Variants in KCTD3 observed in about 807,000 individuals in gnomAD.
The protein encoded by KCTD3 is BTB/POZ domain-containing protein KCTD3.
KCTD3 carries 41 observed loss-of-function variants against 85.8 expected under a neutral mutation model. The observed-to-expected ratio is 0.48, with a 90% CI of 0.37 to 0.62. The LOEUF (loss-of-function observed/expected upper bound fraction) is 0.62, where lower values mean the gene tolerates loss of function less well. KCTD3 is among the 20% of genes least tolerant of loss of function. The pLI is 0.00. For synonymous variants in KCTD3, 338 were observed against 345.4 expected (o/e 0.98, Z 0.24); for missense variants, 724 against 989.9 (o/e 0.73, Z 3.60).
At chr1:215,595,588 A>G in intron 10 of KCTD3, 117 bp downstream of exon 10, 1 of 618,954 alleles carries the variant, frequency 1.6e-6, no homozygotes, top group East Asian at 2.7e-5. Context: ...CAAATATTGA[A>G]TAAATGTAGT....
intron 8 of KCTD3, 55 bp downstream of exon 8, chr1:215,580,054 T>G: frequency 8.8e-7 from 1 of 1,131,968 alleles, no homozygotes; most frequent in Non-Finnish European, 1.3e-6. Flanking sequence ...GAAAATTAAT[T>G]GTGATTTTAT....
rs147061896 is a variant in KCTD3, at chr1:215,589,676, A to G, written c.817+2991A>G. Among the ~76,000 whole-genome samples, 8 of 152,032 alleles carry G rather than the reference A, an allele frequency of 5.3e-5. No homozygotes were observed. In the South Asian group the frequency reaches 1.5e-3, roughly 28 times the overall value. ...TTAGGTTTCCTTTATCTAGAATTTC[A>G]TGAGTAGAATTATATAGTATTTATT... On this transcript the variant is annotated intron_variant, in intron 9 of 17. Transcript: ENST00000259154.
intron 6 of KCTD3, 118 bp from the exon 7 acceptor site, chr1:215,578,882 G>T: frequency 9.0e-6 from 5 of 554,772 alleles, no homozygotes; most frequent in South Asian, 3.0e-5. Context: ...TTGCTATATT[G>T]GAAGATGTAT....
intron 13 of KCTD3, 90 bp downstream of exon 13, chr1:215,604,392 A>T (rs1336106620): frequency 4.5e-5 from 43 of 965,438 alleles, no homozygotes; most frequent in Non-Finnish European, 1.1e-5. Context: ...TGTGAGAAAA[A>T]TATACTAAAA....
intron 4 of KCTD3, among the ~76,000 whole-genome samples, chr1:215,576,982 AG>A (rs1373138455): frequency 2.0e-5 from 3 of 152,246 alleles, no homozygotes; most frequent in African/African-American, 7.2e-5. Flanking sequence ...TTTTAAAATA[AG>A]GACAAATTAC....
chr1:215,595,747 G>C lies in KCTD3; in HGVS notation c.933+276G>C, dbSNP rs1349350950. Among the ~76,000 whole-genome samples, 38 of 152,074 alleles carry C rather than the reference G, an allele frequency of 2.5e-4. 1 individual carries two copies. Among genetic ancestry groups the C allele is most frequent in the Non-Finnish European group, 5.9e-5 (4 of 68,020 alleles). ...TCTATGCCTTGAGCATGGTAGTCCA[G>C]GCAAATTTTATTTCCAGAATAGGAG... On this transcript the variant is annotated intron_variant, in intron 10 of 17. Coordinates refer to ENST00000259154, the MANE Select transcript of KCTD3 (RefSeq NM_016121.5).
At chr1:215,576,569 A>G (rs1456505230) in intron 4 of KCTD3, among the ~76,000 whole-genome samples, 1 of 151,604 alleles carries the variant, frequency 6.6e-6, no homozygotes, top group African/African-American at 2.4e-5. Flanking sequence ...TAACACAAAT[A>G]GTTTCGAAAT....
Position 215,619,195 on chromosome 1 carries a change from A to C in KCTD3, c.1790A>C (p.Asp597Ala). ...PTEEELLKLL[D>A]QCDLSTSRCA... The stretch of plus-strand genomic sequence containing the variant: ...GAAGAAGAGCTACTCAAATTACTCG[A>C]TCAATGTGATTTGAGCACATCTCGC... The change falls in exon 17 of 18, where the codon GAT becomes GCT. Residue 597 changes from aspartate to alanine, a missense_variant. Transcript: ENST00000259154. The C allele has an allele frequency of 6.2e-7, 1 of 1,613,870 alleles. No individual in the cohort carries two copies. The highest frequency in any genetic ancestry group is 1.6e-4 in the Middle Eastern group (1 of 6,062).
Position 215,619,003 on chromosome 1 carries a change from A to C in KCTD3, c.1680A>C (p.Thr560=), listed in dbSNP as rs774332620. Residue 560 remains threonine, a synonymous_variant, in exon 16 of 18, where the codon ACA becomes ACC. Coordinates refer to ENST00000259154, the MANE Select transcript of KCTD3 (RefSeq NM_016121.5). The part of the protein sequence containing the change: ...RPRRYLFTGH[T]NGSIQMWDLT... The stretch of plus-strand genomic sequence containing the variant: ...GGCGCTACTTGTTCACAGGCCATAC[A>C]AATGGCAGTATTCAAATGTGGGATC... 9.9e-6 allele frequency: 16 copies of C among 1,613,810 alleles called. No individual in the cohort carries two copies. Among genetic ancestry groups the C allele is most frequent in the Non-Finnish European group, 1.3e-5 (15 of 1,179,902 alleles).
chr1:215,578,272 T>G (rs1659666297), intron 6 of KCTD3, among the ~76,000 whole-genome samples, 191 bp downstream of exon 6: 1 of 152,232 alleles, frequency 6.6e-6, no homozygotes, highest in African/African-American at 2.4e-5. Context: ...GGCAAACTTT[T>G]TCTGTAAAGA....
At chr1:215,571,890 C>G (rs148678616) in intron 1 of KCTD3, among the ~76,000 whole-genome samples, 230 of 152,310 alleles carry the variant, frequency 1.5e-3, no homozygotes, top group African/African-American at 5.4e-3. Flanking sequence ...CTCGGCCTCC[C>G]AAAGTGCTGG....
At chr1:215,588,572 C>T (rs1021015767) in intron 9 of KCTD3, among the ~76,000 whole-genome samples, 2 of 152,034 alleles carry the variant, frequency 1.3e-5, no homozygotes, top group African/African-American at 2.4e-5. Flanking sequence ...TGCTTTGCAT[C>T]ATCAGTGTAA....
chr1:215,612,118 T>C (rs560664769), intron 15 of KCTD3, among the ~76,000 whole-genome samples, 197 bp downstream of exon 15: 1 of 152,316 alleles, frequency 6.6e-6, no homozygotes, highest in East Asian at 1.9e-4. Context: ...AGAGTTTCAC[T>C]GATGCTGTGG....
chr1:215,581,262 A>C (rs904475286), intron 8 of KCTD3: 5 of 152,218 alleles, frequency 3.3e-5, no homozygotes, highest in African/African-American at 1.2e-4. Flanking sequence ...TAAATAAACA[A>C]ATTTTTAAAA....
At position 215,574,118 on chromosome 1, in the gene KCTD3, T is replaced by A. The variant is rs775687420; in HGVS notation, c.183T>A (p.Ala61=). 3 of 1,568,672 alleles carry A rather than the reference T, an allele frequency of 1.9e-6. No homozygotes were observed. The highest frequency in any genetic ancestry group is 1.7e-5 in the Admixed American group (1 of 59,654). ...CAACACTTCGAGATGAAACTGGTGC[T>A]GTGAGTATAATAATAATTGATACAT... is the stretch of plus-strand genomic sequence containing the variant. ...RISTLRDETG[A]IFIDRDPAAF... is the part of the protein sequence containing the mutation. Residue 61 remains alanine, a splice_region_variant and synonymous_variant, in exon 3 of 18, where the codon GCT becomes GCA. Transcript: ENST00000259154.
chr1:215,590,670 T>C (rs1018903607), intron 9 of KCTD3, among the ~76,000 whole-genome samples: 1 of 152,240 alleles, frequency 6.6e-6, no homozygotes, highest in Non-Finnish European at 1.5e-5. Flanking sequence ...ACTTTTTAGC[T>C]CTAGTATTAC....
intron 4 of KCTD3, among the ~76,000 whole-genome samples, chr1:215,576,475 C>T (rs1207755626): frequency 1.3e-5 from 2 of 151,998 alleles, no homozygotes; most frequent in African/African-American, 4.8e-5. Context: ...AGAGAAGAAG[C>T]TGAGGCAGGA....
At chr1:215,586,706 G>C in intron 9 of KCTD3, 21 bp downstream of exon 9, 4 of 1,581,648 alleles carry the variant, frequency 2.5e-6, no homozygotes, top group Non-Finnish European at 3.5e-6. Flanking sequence ...TCTTGTTTAT[G>C]TTGCAATTTG....
At chr1:215,574,019 A>G in intron 2 of KCTD3, 54 bp from the exon 3 acceptor site, 1 of 1,320,126 alleles carries the variant, frequency 7.6e-7, no homozygotes. Context: ...GAATTAGCAC[A>G]TTTGTTTATA....
Sources: gnomAD v4.1 joint callset for allele counts (sites outside exome capture counted in the v4.1 genomes callset) on GRCh38, gnomAD v4.1.1 for gene constraint, MANE v1.5 for transcripts, NCBI Gene and HGNC (gene_info 2026-07-23, HGNC 2026-07-21) for gene names.